Variants in RASAL1 observed in about 807,000 individuals in gnomAD.
RASAL1 encodes the protein rasGAP-activating-like protein 1.
In RASAL1, 72 loss-of-function variants were observed where a neutral mutation model predicts 96.6. The observed-to-expected ratio is 0.75, with a 90% confidence interval of 0.62 to 0.91. RASAL1 has a LOEUF of 0.91. Among genes scored for constraint, RASAL1 ranks in the 40% least tolerant of loss-of-function variants. The probability of loss-of-function intolerance (pLI) is 0.00; values close to 1 mark genes in which losing one functional copy is unlikely to be tolerated. For missense variants in RASAL1, 1,016 were observed against 1,072.5 expected, an observed-to-expected ratio of 0.95 and a Z score of 0.74; for synonymous variants, 405 against 430.4, an observed-to-expected ratio of 0.94 and a Z score of 0.73.
chr12:113,127,126 C>T (rs1276797362), intron 4 of RASAL1, among the ~76,000 whole-genome samples: 4 of 151,706 alleles, frequency 2.6e-5, no homozygotes, highest in South Asian at 2.1e-4. Flanking sequence ...TGGGCTCAAG[C>T]GATCCTCCTG....
rs752107350 is a variant in RASAL1, at chr12:113,115,284, T to C, written c.1004-20A>G. The C allele has an allele frequency of 3.7e-6, 6 of 1,607,790 alleles. No homozygotes were observed. Among genetic ancestry groups the C allele is most frequent in the Non-Finnish European group, 5.1e-6 (6 of 1,174,456 alleles). ...GGTCCACTGGGAGGACAGGAGGAAG[T>C]GTTTGCTGGGATTTAGGGAGCTGAA... On this transcript the variant is annotated intron_variant, in intron 10 of 20. Coordinates refer to ENST00000548055, the MANE Select transcript of RASAL1 (RefSeq NM_001301202.2). This position sits in a 1 kb window ranked among gnomAD's most constrained non-coding sequence, Gnocchi z 4.1.
rs1200076786 is a variant in RASAL1, at chr12:113,101,967, T to A, written c.2147A>T (p.Asp716Val). 3 of 1,613,938 alleles carry A rather than the reference T, an allele frequency of 1.9e-6. No individual in the cohort carries two copies. The highest frequency in any genetic ancestry group is 1.7e-6 in the Non-Finnish European group (2 of 1,179,966). The stretch of plus-strand genomic sequence containing the variant: ...ATCAGGATCCAGTGGGTCACTCCAG[T>A]CCCCCAGGGTGACAGCTGAGTGTGT... ...SRTHSAVTLGDWSDPLDPDAE... is the reference protein window; with the variant it reads ...SRTHSAVTLGVWSDPLDPDAE... The change falls in exon 19 of 21, where the codon GAC becomes GTC. Residue 716 changes from aspartate (D) to valine (V), a missense_variant. Transcript: ENST00000548055.
intron 15 of RASAL1, among the ~76,000 whole-genome samples, chr12:113,106,295 T>C (rs542631242): frequency 6.6e-6 from 1 of 152,184 alleles, no homozygotes; most frequent in South Asian, 2.1e-4. Context: ...TTCTGACAGG[T>C]TGCTTCAATG....
At chr12:113,104,123 A>T (rs1368815907) in intron 17 of RASAL1, 38 bp downstream of exon 17, 1 of 1,588,016 alleles carries the variant, frequency 6.3e-7, no homozygotes, top group South Asian at 1.1e-5. Flanking sequence ...GTGGGAACAG[A>T]GGGACGCCCC....
At position 113,130,682 on chromosome 12, in the gene RASAL1, C is replaced by T. The variant is rs1951671288; in HGVS notation, c.122+203G>A. Among the ~76,000 whole-genome samples, 1 of 152,174 alleles carries T rather than the reference C, an allele frequency of 6.6e-6. No homozygotes were observed. Among genetic ancestry groups the T allele is most frequent in the Admixed American group, 6.5e-5 (1 of 15,278 alleles). ...GTCAGCCCCAGGGAGCCAGCAGGGA[C>T]AGCATTAGGTCCAGAGGGGGAAGGC... On this transcript the variant is annotated intron_variant, in intron 2 of 20. Coordinates refer to ENST00000548055, the MANE Select transcript of RASAL1 (RefSeq NM_001301202.2). This position sits in a 1 kb window ranked among gnomAD's most constrained non-coding sequence, Gnocchi z 5.1.
In RASAL1 at chr12:113,114,939, T is replaced by C. The variant is rs771394878; in HGVS notation, c.1069-27A>G. Reference sequence around the variant, plus strand: ...TGGGGGCAGGGGGCACCACACGGGGTGGGGCTGAGGGCGAGGCCGGGGCAT... The same window carrying C: ...TGGGGGCAGGGGGCACCACACGGGGCGGGGCTGAGGGCGAGGCCGGGGCAT... On this transcript the variant is annotated intron_variant, in intron 11 of 20. Coordinates refer to ENST00000548055, the MANE Select transcript of RASAL1 (RefSeq NM_001301202.2). 3 of 1,578,752 alleles carry C rather than the reference T, an allele frequency of 1.9e-6. No homozygotes were observed. In the East Asian group the frequency reaches 6.7e-5, roughly 35 times the overall value.
chr12:113,133,331 C>G (rs1050512352), intron 1 of RASAL1, among the ~76,000 whole-genome samples: 3 of 152,220 alleles, frequency 2.0e-5, no homozygotes, highest in African/African-American at 7.2e-5. Context: ...GCCCCTCAGC[C>G]ATTGCCTGCC....
intron 7 of RASAL1, among the ~76,000 whole-genome samples, chr12:113,118,744 G>A (rs1951177252): frequency 6.6e-6 from 1 of 152,104 alleles, no homozygotes; most frequent in African/African-American, 2.4e-5. Flanking sequence ...TAGCCTCTCT[G>A]AGCCTCAATG....
At chr12:113,117,732 C>A (rs993693812) in intron 7 of RASAL1, among the ~76,000 whole-genome samples, 14 of 152,174 alleles carry the variant, frequency 9.2e-5, no homozygotes, top group Non-Finnish European at 1.6e-4. Flanking sequence ...TTCGTGCCCC[C>A]CAGCCCCTGA....
At position 113,130,699 on chromosome 12, in the gene RASAL1, G is replaced by C. The variant is rs1458773154; in HGVS notation, c.122+186C>G. ...AGCAGGGACAGCATTAGGTCCAGAG[G>C]GGGAAGGCAGGGCTGGTCGGGGAGA... On this transcript the variant is annotated intron_variant, in intron 2 of 20. Coordinates refer to ENST00000548055, the MANE Select transcript of RASAL1 (RefSeq NM_001301202.2). The surrounding 1 kb of genome is among the most constrained non-coding windows in gnomAD (Gnocchi z 5.1). Among the ~76,000 whole-genome samples the C allele has an allele frequency of 1.3e-5, 2 of 152,184 alleles. No homozygotes were observed. The highest frequency in any genetic ancestry group is 1.9e-4 in the East Asian group (1 of 5,190).
chr12:113,132,752 T>C (rs1200330700), intron 1 of RASAL1, among the ~76,000 whole-genome samples: 1 of 152,154 alleles, frequency 6.6e-6, no homozygotes, highest in Admixed American at 6.5e-5. Flanking sequence ...CATCCCCCTC[T>C]GGCTGGACAC....
chr12:113,119,386 C>A lies in RASAL1; in HGVS notation c.486G>T (p.Trp162Cys). ...GTSDPFARVF[W>C]GSQSLETSTI... is the part of the protein sequence containing the mutation. ...CTGAGGTCTCCAAGCTCTGGCTGCC[C>A]CAAAACACACGTGCAAATGGGTCAG... The change falls in exon 6 of 21, where the codon TGG becomes TGT. Residue 162 changes from tryptophan (W) to cysteine (C), a missense_variant. Transcript: ENST00000548055. The A allele has an allele frequency of 1.2e-6, 2 of 1,612,204 alleles. No individual in the cohort carries two copies. The highest frequency in any genetic ancestry group is 1.1e-5 in the South Asian group (1 of 90,624).
At chr12:113,127,722 T>C (rs1592955379) in intron 4 of RASAL1, 90 bp downstream of exon 4, 1 of 1,067,204 alleles carries the variant, frequency 9.4e-7, no homozygotes, top group East Asian at 2.4e-5. Context: ...CACTGAAGGC[T>C]CTGTGCTTCA....
intron 18 of RASAL1, chr12:113,103,721 T>C (rs988625884): frequency 6.4e-6 from 4 of 620,720 alleles, no homozygotes; most frequent in African/African-American, 5.5e-5. Context: ...ACACGTCGCA[T>C]ACGCCAAGCA....
intron 2 of RASAL1, among the ~76,000 whole-genome samples, chr12:113,128,738 T>C (rs1387990333): frequency 2.0e-5 from 3 of 151,982 alleles, no homozygotes; most frequent in Non-Finnish European, 2.9e-5. Context: ...GATACACATA[T>C]GCACCCTCAG....
chr12:113,129,715 C>T lies in RASAL1; in HGVS notation c.122+1170G>A, dbSNP rs1951630396. On this transcript the variant is annotated intron_variant, in intron 2 of 20. Transcript: ENST00000548055. The surrounding 1 kb of genome is among the most constrained non-coding windows in gnomAD (Gnocchi z 5.0). The stretch of plus-strand genomic sequence containing the variant: ...CTAAGAAAGAGTGCACATATGCGCG[C>T]GTGCGCGCACACACACACACACACC... Among the ~76,000 whole-genome samples the T allele has an allele frequency of 6.6e-6, 1 of 152,092 alleles. No individual in the cohort carries two copies. Among genetic ancestry groups the T allele is most frequent in the South Asian group, 2.1e-4 (1 of 4,828 alleles).
chr12:113,102,594 C>T (rs928942824), intron 18 of RASAL1, among the ~76,000 whole-genome samples: 2 of 152,104 alleles, frequency 1.3e-5, no homozygotes, highest in South Asian at 2.1e-4. Context: ...CATGGTGGCA[C>T]GTCTGTGGTC....
chr12:113,102,119 A>T, intron 18 of RASAL1, 110 bp from the exon 19 acceptor site: 1 of 1,341,098 alleles, frequency 7.5e-7, no homozygotes, highest in Non-Finnish European at 1.0e-6. Flanking sequence ...TCCCTCCTCA[A>T]ACCTACTACT....
chr12:113,101,031 C>G (rs1012419404), intron 19 of RASAL1, among the ~76,000 whole-genome samples: 2 of 152,180 alleles, frequency 1.3e-5, no homozygotes, highest in Non-Finnish European at 2.9e-5. Context: ...ACTATCTGGC[C>G]AGGCACCTAC....
Sources: gnomAD v4.1 joint callset for allele counts (sites outside exome capture counted in the v4.1 genomes callset) on GRCh38, gnomAD v4.1.1 for gene constraint, Gnocchi (gnomAD v3.1) non-coding constraint, MANE v1.5 for transcripts, NCBI Gene and HGNC (gene_info 2026-07-23, HGNC 2026-07-21) for gene names.